The following C3orf49 variants were observed in gnomAD, a reference collection of about 807,000 sequenced individuals.
C3orf49 encodes the protein putative uncharacterized protein C3orf49.
Under a neutral mutation model 13.3 loss-of-function variants are expected in C3orf49, and 27 were observed. That is an observed-to-expected ratio of 2.02 (90% CI 1.49 to 2.79). The LOEUF (loss-of-function observed/expected upper bound fraction) is 2.79. Among genes scored for constraint, C3orf49 ranks in the 30% most tolerant of loss-of-function variants. C3orf49 has a pLI of 0.00. For synonymous variants in C3orf49, 87 were observed against 47.6 expected (o/e 1.83, Z -3.40); for missense variants, 242 against 134.2 (o/e 1.80, Z -3.97).
upstream of C3orf49, among the ~76,000 whole-genome samples, chr3:63,815,386 A>C (rs1227574670): frequency 6.6e-6 from 1 of 152,166 alleles, no homozygotes; most frequent in African/African-American, 2.4e-5. Context: ...GCCTGGACCA[A>C]GTGCCTACCT....
Position 63,819,614 on chromosome 3 carries a change from C to A in C3orf49, c.125+18C>A. 2 of 703,122 alleles carry A rather than the reference C, an allele frequency of 2.8e-6. No individual in the cohort carries two copies. Among genetic ancestry groups the A allele is most frequent in the South Asian group, 3.0e-5 (2 of 67,582 alleles). The allele number at this position is 703,122 out of a possible 1,614,324, so 43.6% of individuals were successfully genotyped here. A position where few individuals can be genotyped will look rare whatever the true frequency, so the allele number is the denominator to read the frequency against. On this transcript the variant is annotated intron_variant, in intron 1 of 6. Transcript: ENST00000295896. Reference sequence around the variant, plus strand: ...ATAGAAAGGTAACAGAGATTCATTTCCTTTTCTGTCAAATGAGAGTCTTTG... The same window carrying A: ...ATAGAAAGGTAACAGAGATTCATTTACTTTTCTGTCAAATGAGAGTCTTTG...
intron 5 of C3orf49, among the ~76,000 whole-genome samples, chr3:63,839,120 G>A (rs954436940): frequency 6.6e-6 from 1 of 152,064 alleles, no homozygotes; most frequent in African/African-American, 2.4e-5. Flanking sequence ...AACCTGGGGG[G>A]CGGAGGTTGC....
chr3:63,841,211 G>C (rs1468426487), intron 5 of C3orf49, among the ~76,000 whole-genome samples: 3 of 152,164 alleles, frequency 2.0e-5, no homozygotes, highest in Non-Finnish European at 4.4e-5. Flanking sequence ...AGGAGGCTTT[G>C]CGTGTGTGCA....
intron 4 of C3orf49, 73 bp downstream of exon 4, chr3:63,831,296 C>T: frequency 1.5e-6 from 1 of 663,934 alleles, no homozygotes; most frequent in Non-Finnish European, 2.7e-6. Flanking sequence ...ACGCACAGCC[C>T]TGCTAGACAG....
rs116040219 is a variant in C3orf49 at position 63,824,446 on chromosome 3, T to C, written c.445+877T>C. Among the ~76,000 whole-genome samples, 704 of 152,340 alleles carry C rather than the reference T, an allele frequency of 4.6e-3. 3 individuals are homozygous for C. The highest frequency in any genetic ancestry group is 7.1e-3 in the Non-Finnish European group (486 of 68,026). On this transcript the variant is annotated intron_variant, in intron 2 of 6. Transcript: ENST00000295896. ...TAATATTTGAACTGTTAACTTTAAG[T>C]CGTTTTTGCAACTAGTATTAATGCC... is the stretch of plus-strand genomic sequence containing the variant.
At chr3:63,820,755 A>G (rs184079672) in intron 1 of C3orf49, among the ~76,000 whole-genome samples, 1 of 152,310 alleles carries the variant, frequency 6.6e-6, no homozygotes, top group Admixed American at 6.5e-5. Flanking sequence ...GAATTAGGAA[A>G]TGGTGCTCCC....
At chr3:63,796,802 A>G in the C3orf49 span, among the ~76,000 whole-genome samples, 1 of 152,114 alleles carries the variant, frequency 6.6e-6, no homozygotes, top group Non-Finnish European at 1.5e-5. Context: ...GGAGAAATAC[A>G]TATACTTTAC....
upstream of C3orf49, among the ~76,000 whole-genome samples, chr3:63,817,571 G>T (rs1004440648): frequency 6.6e-6 from 1 of 151,986 alleles, no homozygotes; most frequent in Non-Finnish European, 1.5e-5. Flanking sequence ...TTCGTTACCC[G>T]CCCAAGGACC....
chr3:63,820,255 T>C (rs1484049175), intron 1 of C3orf49, among the ~76,000 whole-genome samples: 1 of 152,186 alleles, frequency 6.6e-6, no homozygotes, highest in Non-Finnish European at 1.5e-5. Flanking sequence ...CCTGGAAGCA[T>C]CAAAGACCAA....
upstream of C3orf49, among the ~76,000 whole-genome samples, chr3:63,814,648 G>A (rs541867548): frequency 2.4e-4 from 37 of 152,112 alleles, no homozygotes; most frequent in African/African-American, 8.7e-4. Context: ...GATCACACAG[G>A]GATAGCTCCA....
intron 1 of C3orf49, 87 bp downstream of exon 1, chr3:63,819,683 A>G: frequency 1.5e-6 from 1 of 683,088 alleles, no homozygotes; most frequent in African/African-American, 1.8e-5. Context: ...GCATTTAGGA[A>G]TGAGGACTCT....
At chr3:63,847,034 G>C (rs1335653708) in intron 6 of C3orf49, among the ~76,000 whole-genome samples, 1 of 152,062 alleles carries the variant, frequency 6.6e-6, no homozygotes, top group Admixed American at 6.6e-5. Context: ...ACTAGTAGGA[G>C]GGCTAGAACG....
chr3:63,816,824 G>A (rs1395923620), upstream of C3orf49, among the ~76,000 whole-genome samples: 4 of 133,822 alleles, frequency 3.0e-5, no homozygotes, highest in African/African-American at 8.5e-5. Flanking sequence ...CCAGGCTGGA[G>A]TGCAGTGGCG....
intron 6 of C3orf49, 97 bp downstream of exon 6, chr3:63,845,179 A>T: frequency 1.9e-6 from 1 of 514,506 alleles, no homozygotes; most frequent in Non-Finnish European, 3.5e-6. Context: ...TGCTCTCTTT[A>T]AGTATTTAAG....
chr3:63,810,523 C>T, the C3orf49 span, among the ~76,000 whole-genome samples: 1 of 152,104 alleles, frequency 6.6e-6, no homozygotes, highest in Non-Finnish European at 1.5e-5. Flanking sequence ...TGGGTCAAGA[C>T]CTTATTATTT....
chr3:63,825,142 T>A (rs992673176), intron 2 of C3orf49, among the ~76,000 whole-genome samples: 1 of 152,188 alleles, frequency 6.6e-6, no homozygotes, highest in Non-Finnish European at 1.5e-5. Flanking sequence ...ACATCCACCA[T>A]ACATCCACCA....
the C3orf49 span, among the ~76,000 whole-genome samples, chr3:63,793,506 T>C: frequency 1.3e-5 from 2 of 152,058 alleles, no homozygotes; most frequent in South Asian, 2.1e-4. Context: ...CATGCCTTTT[T>C]CCCCTTCTTC....
At chr3:63,836,979 A>G (rs1701647431) in intron 5 of C3orf49, among the ~76,000 whole-genome samples, 1 of 151,968 alleles carries the variant, frequency 6.6e-6, no homozygotes. Context: ...TGACTTTAGA[A>G]CTGATACTAA....
rs1156257275 is a variant in C3orf49 at position 63,823,324 on chromosome 3, G to A, written c.200G>A (p.Ser67Asn). 1 of 703,128 alleles carries A rather than the reference G, an allele frequency of 1.4e-6. No homozygotes were observed. Among genetic ancestry groups the A allele is most frequent in the Non-Finnish European group, 2.6e-6 (1 of 385,034 alleles). The allele number at this position is 703,128 out of a possible 1,614,324, so 43.6% of individuals were successfully genotyped here. The change falls in exon 2 of 7, where the codon AGT (serine) becomes AAT (asparagine). Residue 67 changes from serine (S) to asparagine (N), a missense_variant. Transcript: ENST00000295896. ...CCTAAAGAGGAATCATCCAGTGATA[G>A]TGACATGGGATTTCATGAAAGCCAG... ...LVPKEESSSDSDMGFHESQQN... is the reference protein window; with the variant it reads ...LVPKEESSSDNDMGFHESQQN...
Sources: gnomAD v4.1 joint callset for allele counts (sites outside exome capture counted in the v4.1 genomes callset) on GRCh38, gnomAD v4.1.1 for gene constraint, MANE v1.5 for transcripts, NCBI Gene and HGNC (gene_info 2026-07-23, HGNC 2026-07-21) for gene names.